The following CRADD variants were observed in gnomAD, a reference collection of about 807,000 sequenced individuals.
The protein encoded by CRADD is CARD and death domain containing adaptor protein.
CRADD carries 9 observed loss-of-function variants against 15.5 expected under a neutral mutation model. The observed-to-expected ratio is 0.58, with a 90% CI of 0.35 to 1.01. CRADD has a LOEUF of 1.01. CRADD is among the 50% of genes least tolerant of loss of function. CRADD has a pLI of 0.02. For missense variants in CRADD, 227 were observed against 250.3 expected (o/e 0.91, Z 0.63); for synonymous variants, 118 against 107.6 (o/e 1.10, Z -0.60).
rs567701473 is a variant in CRADD, at chr12:93,882,103, G to A, written c.299-11947G>A. Among the ~76,000 whole-genome samples the A allele has an allele frequency of 2.0e-5, 3 of 151,558 alleles. No homozygotes were observed. The East Asian group carries it at 5.8e-4, about 29-fold the overall frequency. Reference sequence around the variant, plus strand: ...CTCGCCACTGCACTGCAGCCTGGGTGACAGAGTAAGACTCTGTTTCAAAAA... The same window carrying A: ...CTCGCCACTGCACTGCAGCCTGGGTAACAGAGTAAGACTCTGTTTCAAAAA... On this transcript the variant is annotated intron_variant, in intron 2 of 2. Coordinates refer to the CRADD transcript ENST00000548483.
At position 93,892,266 on chromosome 12, in the gene CRADD, A is replaced by AT. The variant is rs199825816; in HGVS notation, c.299-1780dup. Among the ~76,000 whole-genome samples the AT allele has an allele frequency of 6.2e-3, 948 of 152,268 alleles. 12 individuals carry two copies. Among genetic ancestry groups the AT allele is most frequent in the African/African-American group, 0.021 (877 of 41,558 alleles). ...CTGGATCTTGATTTTAAATTTCAAT[A>AT]TTTTGATATTTTGTTCATCCTGGAT... On this transcript the variant is annotated intron_variant, in intron 2 of 2. Transcript: ENST00000548483.
chr12:93,857,620 G>T (rs1958285917), intron 2 of CRADD, among the ~76,000 whole-genome samples: 1 of 152,220 alleles, frequency 6.6e-6, no homozygotes, highest in African/African-American at 2.4e-5. Context: ...AATTTATAAA[G>T]ACAAAGGGTT....
chr12:93,768,261 A>G (rs1245995792), intron 2 of CRADD, among the ~76,000 whole-genome samples: 2 of 152,258 alleles, frequency 1.3e-5, no homozygotes, highest in African/African-American at 4.8e-5. Context: ...AGGTGGAACA[A>G]CTGAAAGATT....
chr12:93,818,293 T>G (rs1324039796), intron 2 of CRADD, among the ~76,000 whole-genome samples: 1 of 152,182 alleles, frequency 6.6e-6, no homozygotes, highest in Non-Finnish European at 1.5e-5. Context: ...AAAATCTAAG[T>G]ATTTATATTT....
intron 2 of CRADD, among the ~76,000 whole-genome samples, chr12:93,709,598 C>A (rs1956024065): frequency 6.6e-6 from 1 of 152,178 alleles, no homozygotes; most frequent in South Asian, 2.1e-4. Flanking sequence ...TGATCTTATT[C>A]TTTTTTATGG....
At chr12:93,729,527 C>T (rs1400951632) in intron 2 of CRADD, among the ~76,000 whole-genome samples, 1 of 152,096 alleles carries the variant, frequency 6.6e-6, no homozygotes, top group Admixed American at 6.5e-5. Context: ...TGGCTCATGC[C>T]TGTAATTGCA....
intron 2 of CRADD, among the ~76,000 whole-genome samples, chr12:93,724,504 C>G (rs1321512294): frequency 1.3e-5 from 2 of 152,084 alleles, no homozygotes; most frequent in East Asian, 3.9e-4. Context: ...ACTAAGAAGA[C>G]TTGTTGATTT....
chr12:93,888,279 A>C (rs907380343), intron 2 of CRADD, among the ~76,000 whole-genome samples: 1 of 152,066 alleles, frequency 6.6e-6, no homozygotes, highest in Admixed American at 6.6e-5. Context: ...CAAAAAAATT[A>C]GCGGGCATGG....
intron 2 of CRADD, among the ~76,000 whole-genome samples, chr12:93,758,428 T>C (rs1956914940): frequency 6.6e-6 from 1 of 152,134 alleles, no homozygotes; most frequent in Non-Finnish European, 1.5e-5. Flanking sequence ...GATGGTATAC[T>C]AAGAAATATA....
chr12:93,737,116 A>C (rs533858038), intron 2 of CRADD, among the ~76,000 whole-genome samples: 1 of 152,350 alleles, frequency 6.6e-6, no homozygotes, highest in Non-Finnish European at 1.5e-5. Flanking sequence ...CCTATTGAAG[A>C]ATAAATTAGA....
At chr12:93,767,999 C>G (rs960837498) in intron 2 of CRADD, among the ~76,000 whole-genome samples, 1 of 152,188 alleles carries the variant, frequency 6.6e-6, no homozygotes, top group Non-Finnish European at 1.5e-5. Context: ...ACTCTTAAGG[C>G]TTAATGCATT....
intron 2 of CRADD, among the ~76,000 whole-genome samples, chr12:93,845,186 C>T (rs2137044879): frequency 6.6e-6 from 1 of 152,270 alleles, no homozygotes; most frequent in South Asian, 2.1e-4. Context: ...CTCATGACTC[C>T]TGCCTCTCCT....
chr12:93,789,800 T>C (rs1040771770), intron 2 of CRADD, among the ~76,000 whole-genome samples: 1 of 152,190 alleles, frequency 6.6e-6, no homozygotes, highest in Admixed American at 6.5e-5. Flanking sequence ...TTTATTATGC[T>C]GAAAGAAGGG....
chr12:93,792,068 G>A (rs1957355970), intron 2 of CRADD, among the ~76,000 whole-genome samples: 1 of 152,032 alleles, frequency 6.6e-6, no homozygotes, highest in Non-Finnish European at 1.5e-5. Context: ...ATCTTAAGAT[G>A]TTATTAGCCA....
At chr12:93,692,577 CA>C (rs1242243668) in intron 2 of CRADD, among the ~76,000 whole-genome samples, 3 of 151,884 alleles carry the variant, frequency 2.0e-5, no homozygotes, top group Non-Finnish European at 4.4e-5. Flanking sequence ...ATGATATGTT[CA>C]AAATGTTGAT....
chr12:93,834,005 C>T (rs952332000), intron 2 of CRADD, among the ~76,000 whole-genome samples: 9 of 152,258 alleles, frequency 5.9e-5, no homozygotes, highest in South Asian at 4.1e-4. Context: ...ATTTAATTAC[C>T]GGGTCTCCAG....
intron 2 of CRADD, chr12:93,738,391 C>A: frequency 1.4e-6 from 1 of 702,326 alleles, no homozygotes; most frequent in Non-Finnish European, 2.6e-6. Flanking sequence ...TGGAATTCTT[C>A]CATGAGATGC....
At chr12:93,851,140 T>A (rs1958216920), downstream of CRADD, among the ~76,000 whole-genome samples, 1 of 152,218 alleles carries the variant, frequency 6.6e-6, no homozygotes, top group African/African-American at 2.4e-5. Flanking sequence ...TGTCCTTTTA[T>A]CAATAGCACA....
At chr12:93,877,215 A>G (rs1197224654) in intron 2 of CRADD, among the ~76,000 whole-genome samples, 3 of 152,226 alleles carry the variant, frequency 2.0e-5, no homozygotes, top group African/African-American at 7.2e-5. Context: ...TAGCGACACA[A>G]GAACCTCTGT....
Sources: gnomAD v4.1 joint callset for allele counts (sites outside exome capture counted in the v4.1 genomes callset) on GRCh38, gnomAD v4.1.1 for gene constraint, MANE v1.5 for transcripts, NCBI Gene and HGNC (gene_info 2026-07-23, HGNC 2026-07-21) for gene names.